Variants in SAPCD2 observed in about 807,000 individuals in gnomAD.
SAPCD2 encodes suppressor APC domain containing 2.
Under a neutral mutation model 37.8 loss-of-function variants are expected in SAPCD2, and 34 were observed. That is an observed-to-expected ratio of 0.90 (90% confidence interval 0.68 to 1.20). The LOEUF (loss-of-function observed/expected upper bound fraction) is 1.20. Ranked by LOEUF, SAPCD2 falls within the 50% of genes most tolerant of loss-of-function variation. The pLI is 0.00. For synonymous variants in SAPCD2, 275 were observed against 270.3 expected, an observed-to-expected ratio of 1.02 and a Z score of -0.17; for missense variants, 572 against 584.7, an observed-to-expected ratio of 0.98 and a Z score of 0.22.
intron 1 of SAPCD2, 132 bp downstream of exon 1, chr9:137,069,758 C>A (rs1290235456): frequency 1.5e-5 from 9 of 608,486 alleles, no homozygotes; most frequent in African/African-American, 1.2e-4. Context: ...CCTCCAGGAT[C>A]CGGAGTCCAC....
At position 137,070,313 on chromosome 9, in the gene SAPCD2, G is replaced by T; in HGVS notation, c.148C>A (p.Arg50Ser). Residue 50 changes from arginine (R) to serine (S), a missense_variant, in exon 1 of 6, where the codon CGC becomes AGC. Coordinates refer to ENST00000409687, the MANE Select transcript of SAPCD2 (RefSeq NM_178448.4). ...CCCTGCCAGCGGGACTCGATCTCGC[G>T]CAGGTGCACGCAGCCGCGCCGCCGG... is the stretch of plus-strand genomic sequence containing the variant. The part of the protein sequence containing the change: ...DDRRRGCVHL[R>S]EIESRWQGTD... 6.8e-7 allele frequency: 1 copy of T among 1,477,522 alleles called. No individual in the cohort carries two copies. The highest frequency in any genetic ancestry group is 8.9e-7 in the Non-Finnish European group (1 of 1,117,324). The allele number at this position is 1,477,522 out of a possible 1,614,324, so 91.5% of individuals were successfully genotyped here.
chr9:137,069,148 T>G (rs1336869103), intron 1 of SAPCD2, among the ~76,000 whole-genome samples: 1 of 152,160 alleles, frequency 6.6e-6, no homozygotes, highest in Non-Finnish European at 1.5e-5. Context: ...ACCCCAGCCA[T>G]AATACAGGTC....
At chr9:137,064,833 ACC>A in intron 5 of SAPCD2, 28 bp downstream of exon 5, 2 of 1,574,576 alleles carry the variant, frequency 1.3e-6, no homozygotes, top group Non-Finnish European at 1.7e-6. Flanking sequence ...CCTCACCCCC[ACC>A]CCTGCACCCC....
At chr9:137,067,940 C>T (rs993581350) in intron 1 of SAPCD2, among the ~76,000 whole-genome samples, 2 of 152,166 alleles carry the variant, frequency 1.3e-5, no homozygotes, top group African/African-American at 2.4e-5. Flanking sequence ...GGTGCCACTC[C>T]GGCCCAGCTT....
At chr9:137,069,834 T>G in intron 1 of SAPCD2, 56 bp downstream of exon 1, 2 of 1,158,444 alleles carry the variant, frequency 1.7e-6, no homozygotes, top group Non-Finnish European at 2.2e-6. Context: ...GGACTGCGGT[T>G]TCTGGCCCGG....
chr9:137,064,836 C>A (rs2131527749), intron 5 of SAPCD2, 27 bp downstream of exon 5: 2 of 1,576,396 alleles, frequency 1.3e-6, no homozygotes, highest in Admixed American at 1.8e-5. Flanking sequence ...CACCCCCACC[C>A]CTGCACCCCT....
In SAPCD2 at chr9:137,070,439, C is replaced by G; in HGVS notation, c.22G>C (p.Glu8Gln). The G allele has an allele frequency of 8.0e-7, 1 of 1,247,594 alleles. No individual in the cohort carries two copies. Among genetic ancestry groups the G allele is most frequent in the Non-Finnish European group, 1.0e-6 (1 of 997,794 alleles). The allele number at this position is 1,247,594 out of a possible 1,614,324, so 77.3% of individuals were successfully genotyped here. MAGAAMA[E>Q]RGRVPPPAPA... Reference sequence around the variant, plus strand: ...GCGGGGGGAGGCACGCGGCCCCGCTCGGCCATGGCGGCCCCGGCCATGGGC... The same window carrying G: ...GCGGGGGGAGGCACGCGGCCCCGCTGGGCCATGGCGGCCCCGGCCATGGGC... Residue 8 changes from glutamate to glutamine, a missense_variant, in exon 1 of 6, where the codon GAG becomes CAG. Coordinates refer to ENST00000409687, the MANE Select transcript of SAPCD2 (RefSeq NM_178448.4).
intron 3 of SAPCD2, 39 bp downstream of exon 3, chr9:137,065,483 C>A: frequency 6.4e-7 from 1 of 1,554,564 alleles, no homozygotes; most frequent in Non-Finnish European, 8.7e-7. Context: ...GCTGGGGTCC[C>A]CATGTGTGGG....
At chr9:137,065,372 C>A in intron 3 of SAPCD2, 150 bp downstream of exon 3, 1 of 1,099,850 alleles carries the variant, frequency 9.1e-7, no homozygotes, top group Non-Finnish European at 1.3e-6. Context: ...AGTGGGGCAG[C>A]CACAGGCGGA....
chr9:137,064,352 A>C lies in SAPCD2; in HGVS notation c.*307T>G. On this transcript the variant is annotated 3_prime_UTR_variant, in exon 6 of 6. Transcript: ENST00000409687. ...GCACCGCTGGAAACGGGGGGACGCT[A>C]ACTCATGGAGGGGTACCCCACTGTC... The C allele has an allele frequency of 2.3e-6, 1 of 434,674 alleles. No homozygotes were observed. The highest frequency in any genetic ancestry group is 4.2e-6 in the Non-Finnish European group (1 of 239,132). The allele number at this position is 434,674 out of a possible 1,614,324, so 26.9% of individuals were successfully genotyped here. A position where few individuals can be genotyped will look rare whatever the true frequency, so the allele number is the denominator to read the frequency against.
At position 137,070,418 on chromosome 9, in the gene SAPCD2, G is replaced by C; in HGVS notation, c.43C>G (p.Pro15Ala). Residue 15 changes from proline (P) to alanine (A), a missense_variant, in exon 1 of 6, where the codon CCC becomes GCC. Physicochemically the swap from Pro to Ala is conservative, Grantham distance 27 (BLOSUM62 -1). Transcript: ENST00000409687. Reference protein sequence around the residue: ...AMAERGRVPPPAPAPSTEGLP... With the variant: ...AMAERGRVPPAAPAPSTEGLP... ...CCCTCCGTGCTGGGCGCGGGTGCGG[G>C]GGGAGGCACGCGGCCCCGCTCGGCC... 5 of 1,298,686 alleles carry C rather than the reference G, an allele frequency of 3.9e-6. No homozygotes were observed. Among genetic ancestry groups the C allele is most frequent in the South Asian group, 2.3e-5 (1 of 44,026 alleles). 80.4% of individuals were successfully genotyped at this position (1,298,686 alleles called of 1,614,324 possible). A position where few individuals can be genotyped will look rare whatever the true frequency, so the allele number is the denominator to read the frequency against.
At chr9:137,067,705 C>T (rs904445981) in intron 1 of SAPCD2, among the ~76,000 whole-genome samples, 4 of 124,220 alleles carry the variant, frequency 3.2e-5, no homozygotes, top group African/African-American at 6.1e-5. Context: ...ACCCAGGAGG[C>T]GGAGGTTGCA....
chr9:137,066,574 G>A (rs891979584), intron 1 of SAPCD2, among the ~76,000 whole-genome samples, 200 bp from the exon 2 acceptor site: 13 of 152,208 alleles, frequency 8.5e-5, no homozygotes, highest in Non-Finnish European at 1.5e-4. Context: ...GGGGAGGGCT[G>A]TGCCGCCAAG....
chr9:137,065,692 A>C, intron 2 of SAPCD2, 24 bp from the exon 3 acceptor site: 1 of 1,584,564 alleles, frequency 6.3e-7, no homozygotes. Context: ...ATTTACATGG[A>C]ATGCCTGGCC....
rs951610098 is a variant in SAPCD2 at position 137,070,549 on chromosome 9, G to C, written c.-89C>G. ...CGGCCCGGCGAGCTCAGCCCACGGC[G>C]ACAATAGCGACTACTTTTGAATGGG... is the stretch of plus-strand genomic sequence containing the variant. On this transcript the variant is annotated 5_prime_UTR_variant, in exon 1 of 6. Transcript: ENST00000409687. The C allele has an allele frequency of 3.8e-6, 3 of 794,488 alleles. No homozygotes were observed. The African/African-American group carries it at 5.5e-5, about 15-fold the overall frequency. 49.2% of individuals were successfully genotyped at this position (794,488 alleles called of 1,614,324 possible).
rs777514362 is a variant in SAPCD2 at position 137,070,272 on chromosome 9, C to G, written c.189G>C (p.Glu63Asp). 67 of 1,456,046 alleles carry G rather than the reference C, an allele frequency of 4.6e-5. 1 individual carries two copies. The South Asian group carries it at 8.5e-4, about 18-fold the overall frequency. The allele number at this position is 1,456,046 out of a possible 1,614,324, so 90.2% of individuals were successfully genotyped here. A position where few individuals can be genotyped will look rare whatever the true frequency, so the allele number is the denominator to read the frequency against. The change falls in exon 1 of 6, where the codon GAG becomes GAC. Residue 63 changes from glutamate (E) to aspartate (D), a missense_variant. Glu to Asp is a conservative substitution (Grantham distance 45). Coordinates refer to ENST00000409687, the MANE Select transcript of SAPCD2 (RefSeq NM_178448.4). Reference sequence around the variant, plus strand: ...AGCCCTCCAGCACCCCGCGGGGCAGCTCCCGCGCGTCGGTGCCCTGCCAGC... The same window carrying G: ...AGCCCTCCAGCACCCCGCGGGGCAGGTCCCGCGCGTCGGTGCCCTGCCAGC... ...ESRWQGTDAR[E>D]LPRGVLEGLR...
chr9:137,070,283 C>A lies in SAPCD2; in HGVS notation c.178G>T (p.Asp60Tyr). Residue 60 changes from aspartate (D) to tyrosine (Y), a missense_variant, in exon 1 of 6, where the codon GAC becomes TAC. By Grantham distance (160) the Asp-to-Tyr change is radical (BLOSUM62 -3). Coordinates refer to ENST00000409687, the MANE Select transcript of SAPCD2 (RefSeq NM_178448.4). ...ACCCCGCGGGGCAGCTCCCGCGCGTCGGTGCCCTGCCAGCGGGACTCGATC... is the reference window on the plus strand; with the variant it reads ...ACCCCGCGGGGCAGCTCCCGCGCGTAGGTGCCCTGCCAGCGGGACTCGATC... ...REIESRWQGT[D>Y]ARELPRGVLE... The A allele has an allele frequency of 6.8e-7, 1 of 1,461,926 alleles. No homozygotes were observed. The highest frequency in any genetic ancestry group is 1.3e-5 in the South Asian group (1 of 77,300). The allele number at this position is 1,461,926 out of a possible 1,614,324, so 90.6% of individuals were successfully genotyped here.
chr9:137,067,117 A>G (rs1194887044), intron 1 of SAPCD2, among the ~76,000 whole-genome samples: 3 of 152,048 alleles, frequency 2.0e-5, no homozygotes, highest in Non-Finnish European at 4.4e-5. Flanking sequence ...CCTCCCGAGT[A>G]GCTGGGATTA....
Position 137,064,626 on chromosome 9 carries a change from G to A in SAPCD2, c.*33C>T, listed in dbSNP as rs55952809. Reference sequence around the variant, plus strand: ...CCACCCTCGAAGGGCTGAGTGCCAGGCTGGCCCTGGGGGCCCACGCGGCCC... The same window carrying A: ...CCACCCTCGAAGGGCTGAGTGCCAGACTGGCCCTGGGGGCCCACGCGGCCC... On this transcript the variant is annotated 3_prime_UTR_variant, in exon 6 of 6. Transcript: ENST00000409687. 1.1e-5 allele frequency: 18 copies of A among 1,578,628 alleles called. No individual in the cohort carries two copies. The highest frequency in any genetic ancestry group is 1.4e-5 in the Non-Finnish European group (16 of 1,163,646).
Sources: gnomAD v4.1 joint callset for allele counts (sites outside exome capture counted in the v4.1 genomes callset) on GRCh38, gnomAD v4.1.1 for gene constraint, MANE v1.5 for transcripts, NCBI Gene and HGNC (gene_info 2026-07-23, HGNC 2026-07-21) for gene names.